PRR16: variants seen among roughly 807,000 people sequenced by gnomAD.
The protein encoded by PRR16 is protein Largen.
In PRR16, 6 loss-of-function variants were observed where a neutral mutation model predicts 18.2. The observed-to-expected ratio is 0.33, with a 90% confidence interval of 0.18 to 0.65. The LOEUF (loss-of-function observed/expected upper bound fraction) is 0.65. Among genes scored for constraint, PRR16 ranks in the 30% least tolerant of loss-of-function variants. The pLI is 0.74. For missense variants in PRR16, 412 were observed against 376.6 expected, an observed-to-expected ratio of 1.09 and a Z score of -0.78; for synonymous variants, 151 against 147.8, an observed-to-expected ratio of 1.02 and a Z score of -0.16.
At chr5:120,617,193 G>T (rs1404835723) in intron 1 of PRR16, 8 of 984,538 alleles carry the variant, frequency 8.1e-6, no homozygotes, top group Non-Finnish European at 8.4e-6. Context: ...GCCCAAGAAG[G>T]TCAGCCCCAC....
chr5:120,513,278 T>C (rs549637456), intron 1 of PRR16, among the ~76,000 whole-genome samples: 5 of 152,208 alleles, frequency 3.3e-5, no homozygotes, highest in Non-Finnish European at 5.9e-5. Flanking sequence ...GTTGATTCCA[T>C]TTGTATTTAG....
chr5:120,521,966 C>A (rs1346954897), intron 1 of PRR16, among the ~76,000 whole-genome samples: 1 of 152,148 alleles, frequency 6.6e-6, no homozygotes, highest in Admixed American at 6.5e-5. Context: ...ATGATGGTTT[C>A]CAGCTTCATC....
chr5:120,686,475 A>G lies in PRR16; in HGVS notation c.681A>G (p.Lys227=). 1.2e-6 allele frequency: 2 copies of G among 1,614,066 alleles called. No homozygotes were observed. The highest frequency in any genetic ancestry group is 8.5e-7 in the Non-Finnish European group (1 of 1,179,988). The part of the protein sequence containing the change: ...CPDCDTRYNI[K]NREVHLHSEP... ...ACTGTGATACCCGGTATAACATAAA[A>G]AACAGGGAGGTCCACTTACACAGTG... The change falls in exon 2 of 2, where the codon AAA becomes AAG. Residue 227 remains lysine, a synonymous_variant. Transcript: ENST00000407149.
At chr5:120,473,487 C>T (rs553537006) in intron 1 of PRR16, among the ~76,000 whole-genome samples, 10 of 151,964 alleles carry the variant, frequency 6.6e-5, no homozygotes, top group South Asian at 2.1e-4. Context: ...CATAGTGTGG[C>T]GATAGTGACA....
At chr5:120,711,386 T>C in the PRR16 span, among the ~76,000 whole-genome samples, 15 of 152,166 alleles carry the variant, frequency 9.9e-5, no homozygotes, top group South Asian at 4.1e-4. Flanking sequence ...TTTCATTTTC[T>C]GGTGATTAAC....
At chr5:120,571,073 G>T (rs1478834225) in intron 1 of PRR16, among the ~76,000 whole-genome samples, 1 of 152,096 alleles carries the variant, frequency 6.6e-6, no homozygotes, top group Non-Finnish European at 1.5e-5. Flanking sequence ...GACGGCATTT[G>T]AGCAGAGGAT....
intron 1 of PRR16, among the ~76,000 whole-genome samples, chr5:120,579,454 T>A (rs1037857515): frequency 1.3e-5 from 2 of 152,212 alleles, no homozygotes; most frequent in Non-Finnish European, 2.9e-5. Flanking sequence ...GGGTCCAGTT[T>A]CCGTTTTCTG....
At chr5:120,742,764 A>G in the PRR16 span, among the ~76,000 whole-genome samples, 5 of 152,246 alleles carry the variant, frequency 3.3e-5, no homozygotes, top group Admixed American at 1.3e-4. Flanking sequence ...TCTGGACCCC[A>G]TAAGTCCACA....
the PRR16 span, among the ~76,000 whole-genome samples, chr5:120,786,809 GTTAC>G: frequency 6.6e-6 from 1 of 151,882 alleles, no homozygotes; most frequent in Non-Finnish European, 1.5e-5. Flanking sequence ...CACTTAATAT[GTTAC>G]TTACATAAAT....
chr5:120,490,766 TTC>T (rs1189547611), intron 1 of PRR16, among the ~76,000 whole-genome samples: 1 of 152,170 alleles, frequency 6.6e-6, no homozygotes, highest in East Asian at 1.9e-4. Context: ...CTCTGTTTTT[TTC>T]CCCATCTTTG....
the PRR16 span, among the ~76,000 whole-genome samples, chr5:120,779,678 A>G: frequency 2.2e-4 from 34 of 152,258 alleles, no homozygotes; most frequent in African/African-American, 7.9e-4. Context: ...AAATAATTAA[A>G]TATTAGAGGG....
At chr5:120,500,392 A>T (rs946836504) in intron 1 of PRR16, among the ~76,000 whole-genome samples, 4 of 152,130 alleles carry the variant, frequency 2.6e-5, no homozygotes, top group African/African-American at 9.7e-5. Flanking sequence ...GTCTTATCTT[A>T]GTGTGATATA....
intron 1 of PRR16, among the ~76,000 whole-genome samples, chr5:120,656,725 C>T (rs1331927936): frequency 6.6e-6 from 1 of 151,850 alleles, no homozygotes; most frequent in Non-Finnish European, 1.5e-5. Flanking sequence ...AAGTAATCAG[C>T]CAATTATTGA....
intron 1 of PRR16, among the ~76,000 whole-genome samples, chr5:120,520,772 A>C (rs754761522): frequency 1.3e-5 from 2 of 152,162 alleles, no homozygotes; most frequent in African/African-American, 2.4e-5. Flanking sequence ...AAATGGTAGT[A>C]TTTTGTTTAA....
chr5:120,607,179 T>G (rs1754181909), intron 1 of PRR16, among the ~76,000 whole-genome samples: 1 of 152,196 alleles, frequency 6.6e-6, no homozygotes, highest in South Asian at 2.1e-4. Context: ...CAGTAAAATG[T>G]ACCCATAATT....
At chr5:120,648,392 C>T (rs1304319133) in intron 1 of PRR16, among the ~76,000 whole-genome samples, 1 of 151,854 alleles carries the variant, frequency 6.6e-6, no homozygotes, top group Non-Finnish European at 1.5e-5. Context: ...AGTTATGTTC[C>T]TGGTGTAGCA....
chr5:120,790,248 A>T, the PRR16 span: 1 of 152,210 alleles, frequency 6.6e-6, no homozygotes, highest in Non-Finnish European at 1.5e-5. Flanking sequence ...ATAAATGGAA[A>T]GGACTATCAA....
the PRR16 span, among the ~76,000 whole-genome samples, chr5:120,786,382 G>T: frequency 5.9e-5 from 9 of 151,712 alleles, no homozygotes; most frequent in African/African-American, 1.9e-4. Context: ...ACTGTATCTG[G>T]TTTGGGAGGG....
chr5:120,659,984 G>A (rs992572050), intron 1 of PRR16, among the ~76,000 whole-genome samples: 2 of 151,994 alleles, frequency 1.3e-5, no homozygotes, highest in Admixed American at 6.6e-5. Flanking sequence ...CACTACACAG[G>A]CACTGCCATG....
Sources: allele counts gnomAD v4.1 joint callset (sites outside exome capture counted in the v4.1 genomes callset), GRCh38; gene constraint gnomAD v4.1.1; transcripts MANE v1.5; gene names NCBI Gene and HGNC (gene_info 2026-07-23, HGNC 2026-07-21).